ENOX1: variants seen among roughly 807,000 people sequenced by gnomAD.
ENOX1 encodes ecto-NOX disulfide-thiol exchanger 1, also known as candidate growth-related and time keeping constitutive hydroquinone (NADH) oxidase.
Under a neutral mutation model 82.5 loss-of-function variants are expected in ENOX1, and 42 were observed. That is an observed-to-expected ratio of 0.51 (90% confidence interval 0.40 to 0.66). The LOEUF (loss-of-function observed/expected upper bound fraction) is 0.66. Ranked by LOEUF, ENOX1 falls within the 30% of genes least tolerant of loss-of-function variation. The pLI, the probability that ENOX1 is intolerant of heterozygous loss-of-function variation, is 0.00. For missense variants in ENOX1, 608 were observed against 811.6 expected (o/e 0.75, Z 3.05); for synonymous variants, 271 against 282.2 (o/e 0.96, Z 0.40).
intron 3 of ENOX1, among the ~76,000 whole-genome samples, chr13:43,434,432 G>A (rs1303018152): frequency 6.6e-6 from 1 of 152,042 alleles, no homozygotes; most frequent in Non-Finnish European, 1.5e-5. Flanking sequence ...TGTGGGTGTG[G>A]CTGTTCCTTC....
chr13:43,582,688 C>T (rs1300038287), intron 2 of ENOX1, among the ~76,000 whole-genome samples: 1 of 152,148 alleles, frequency 6.6e-6, no homozygotes, highest in East Asian at 1.9e-4. Context: ...TTGCTCCCAC[C>T]TCAGCCTCCT....
At chr13:43,658,752 T>C (rs2084568385) in intron 2 of ENOX1, among the ~76,000 whole-genome samples, 1 of 150,770 alleles carries the variant, frequency 6.6e-6, no homozygotes, top group African/African-American at 2.5e-5. Flanking sequence ...TGTTGAGATC[T>C]CTTTTACCAT....
At chr13:43,248,969 G>A (rs2153467965) in intron 14 of ENOX1, among the ~76,000 whole-genome samples, 1 of 152,186 alleles carries the variant, frequency 6.6e-6, no homozygotes. Flanking sequence ...CAGAGACTTT[G>A]ATAGGAAAGG....
At chr13:43,738,849 A>G (rs1221198385) in intron 1 of ENOX1, among the ~76,000 whole-genome samples, 4 of 152,166 alleles carry the variant, frequency 2.6e-5, no homozygotes, top group Non-Finnish European at 4.4e-5. Flanking sequence ...ATTGCCTTTT[A>G]CCTGGCCCAT....
intron 2 of ENOX1, among the ~76,000 whole-genome samples, chr13:43,515,464 G>A (rs1484584816): frequency 6.6e-6 from 1 of 152,048 alleles, no homozygotes; most frequent in African/African-American, 2.4e-5. Context: ...TTAATTGCCT[G>A]GGTTGTCTTA....
At chr13:43,371,466 C>G (rs899685931) in intron 5 of ENOX1, among the ~76,000 whole-genome samples, 9 of 152,110 alleles carry the variant, frequency 5.9e-5, no homozygotes, top group African/African-American at 1.9e-4. Context: ...GATATAAAGC[C>G]CACTATAGTC....
intron 16 of ENOX1, among the ~76,000 whole-genome samples, chr13:43,218,856 T>C (rs1593392472): frequency 6.6e-6 from 1 of 152,210 alleles, no homozygotes; most frequent in South Asian, 2.1e-4. Flanking sequence ...GTTTTCTCCC[T>C]ATGGCCAAAG....
At chr13:43,645,629 T>C (rs531713246) in intron 2 of ENOX1, among the ~76,000 whole-genome samples, 2 of 152,310 alleles carry the variant, frequency 1.3e-5, no homozygotes, top group Admixed American at 6.5e-5. Context: ...CACCAATTCA[T>C]TGGAAGTTCT....
At chr13:43,332,805 G>T (rs2153535302) in intron 9 of ENOX1, among the ~76,000 whole-genome samples, 1 of 151,858 alleles carries the variant, frequency 6.6e-6, no homozygotes, top group South Asian at 2.1e-4. Context: ...TAAATCTCCT[G>T]CCTAGATTAC....
intron 2 of ENOX1, among the ~76,000 whole-genome samples, chr13:43,516,768 T>G (rs2077576295): frequency 6.6e-6 from 1 of 152,108 alleles, no homozygotes; most frequent in Admixed American, 6.6e-5. Flanking sequence ...AAGAAGAATT[T>G]CTTACATGCC....
intron 2 of ENOX1, among the ~76,000 whole-genome samples, chr13:43,505,350 A>T (rs748091308): frequency 1.3e-4 from 19 of 151,980 alleles, no homozygotes; most frequent in Non-Finnish European, 2.2e-4. Context: ...TGATCAAAAG[A>T]AGGCAGAAAT....
intron 5 of ENOX1, among the ~76,000 whole-genome samples, chr13:43,379,060 C>T (rs1396518263): frequency 6.6e-6 from 1 of 152,080 alleles, no homozygotes; most frequent in African/African-American, 2.4e-5. Flanking sequence ...AGCCAAAAAA[C>T]ATAGGCAACA....
chr13:43,608,865 A>G (rs1205304640), intron 2 of ENOX1, among the ~76,000 whole-genome samples: 1 of 152,208 alleles, frequency 6.6e-6, no homozygotes, highest in Admixed American at 6.5e-5. Context: ...CAGAGTGTCC[A>G]GGTCTGACCT....
chr13:43,665,445 A>C (rs145963336), intron 2 of ENOX1, among the ~76,000 whole-genome samples: 103 of 152,332 alleles, frequency 6.8e-4, no homozygotes, highest in African/African-American at 2.4e-3. Flanking sequence ...AGAAGGAAGA[A>C]GACGCGATTA....
At chr13:43,719,652 G>A (rs2088426891) in intron 1 of ENOX1, among the ~76,000 whole-genome samples, 1 of 152,036 alleles carries the variant, frequency 6.6e-6, no homozygotes, top group Non-Finnish European at 1.5e-5. Flanking sequence ...AACCACCAGA[G>A]AACCCTAACG....
chr13:43,563,821 T>C (rs1285946445), intron 2 of ENOX1, among the ~76,000 whole-genome samples: 1 of 151,630 alleles, frequency 6.6e-6, no homozygotes, highest in Non-Finnish European at 1.5e-5. Flanking sequence ...CAAAAGACAA[T>C]CAGCAAGTAA....
chr13:43,748,501 G>T (rs989495246), intron 1 of ENOX1, among the ~76,000 whole-genome samples: 6 of 152,162 alleles, frequency 3.9e-5, no homozygotes, highest in African/African-American at 7.2e-5. Flanking sequence ...TCTGATTTGA[G>T]TTGTTATTAC....
intron 11 of ENOX1, among the ~76,000 whole-genome samples, chr13:43,308,384 A>C (rs538359133): frequency 9.5e-4 from 144 of 152,108 alleles, no homozygotes; most frequent in African/African-American, 3.1e-3. Flanking sequence ...TCATTCCCAC[A>C]TTACTTTACC....
At chr13:43,382,922 T>C (rs943009967) in intron 5 of ENOX1, among the ~76,000 whole-genome samples, 2 of 152,188 alleles carry the variant, frequency 1.3e-5, no homozygotes, top group Non-Finnish European at 2.9e-5. Context: ...GAGGGCATGG[T>C]TGTCCTCCCT....
Sources: allele counts gnomAD v4.1 joint callset (sites outside exome capture counted in the v4.1 genomes callset), GRCh38; gene constraint gnomAD v4.1.1; transcripts MANE v1.5; gene names NCBI Gene and HGNC (gene_info 2026-07-23, HGNC 2026-07-21).